Variants in SAMD12 observed in about 807,000 individuals in gnomAD.
SAMD12 encodes the protein sterile alpha motif domain containing 12.
SAMD12 carries 9 observed loss-of-function variants against 15.0 expected under a neutral mutation model. The observed-to-expected ratio is 0.60, with a 90% CI of 0.36 to 1.05. The LOEUF is 1.05. SAMD12 is among the 50% of genes least tolerant of loss of function. SAMD12 has a pLI of 0.01. For synonymous variants in SAMD12, 86 were observed against 90.1 expected, an observed-to-expected ratio of 0.96 and a Z score of 0.25; for missense variants, 230 against 234.2, an observed-to-expected ratio of 0.98 and a Z score of 0.12.
In SAMD12 at chr8:118,379,698, G is replaced by A. The variant is rs541912477; in HGVS notation, c.325C>T (p.Arg109Ter). ...ESFKQHDITG[R>*]ALLRLTDKKL... ...TTGTCAGTAAGTCTCAGCAGGGCTC[G>A]CCCTGCAGGGTTTTAAGAAATAAAA... Residue 109 changes from arginine to a stop codon, truncating the protein, a stop_gained and splice_region_variant, in exon 4 of 4, where the codon CGA becomes TGA. Coordinates refer to ENST00000314727, the MANE Select transcript of SAMD12 (RefSeq NM_207506.3). LOFTEE classifies it low-confidence loss of function (END_TRUNC). 10 of 1,612,332 alleles carry A rather than the reference G, an allele frequency of 6.2e-6. No individual in the cohort carries two copies. Among genetic ancestry groups the A allele is most frequent in the African/African-American group, 1.3e-5 (1 of 74,776 alleles).
chr8:118,298,106 C>T (rs1814818591), intron 4 of SAMD12, among the ~76,000 whole-genome samples: 1 of 152,076 alleles, frequency 6.6e-6, no homozygotes, highest in African/African-American at 2.4e-5. Context: ...GTCAAACATA[C>T]ATATGTAGTT....
intron 2 of SAMD12, among the ~76,000 whole-genome samples, chr8:118,473,106 ATGTCGCTCCCTGCCT>A (rs1823852418): frequency 6.6e-6 from 1 of 152,132 alleles, no homozygotes; most frequent in Non-Finnish European, 1.5e-5. Flanking sequence ...AGGCCAAGGT[ATGTCGCTCCCTGCCT>A]GCTTCAAAGC....
chr8:118,396,393 A>C (rs1249585016), intron 3 of SAMD12, among the ~76,000 whole-genome samples: 2 of 152,196 alleles, frequency 1.3e-5, no homozygotes, highest in African/African-American at 4.8e-5. Context: ...GTAGGCTTCC[A>C]TTGTTACACC....
intron 2 of SAMD12, among the ~76,000 whole-genome samples, chr8:118,572,691 T>C (rs1827048444): frequency 1.3e-5 from 2 of 152,198 alleles, no homozygotes; most frequent in Non-Finnish European, 1.5e-5. Context: ...CCACCATGAT[T>C]GGACTTACAC....
At chr8:118,451,505 G>C (rs1262277511) in intron 2 of SAMD12, among the ~76,000 whole-genome samples, 1 of 152,184 alleles carries the variant, frequency 6.6e-6, no homozygotes, top group East Asian at 1.9e-4. Flanking sequence ...CTATTAAAGT[G>C]AGAAAATACC....
intron 2 of SAMD12, among the ~76,000 whole-genome samples, chr8:118,491,804 A>T (rs1310856317): frequency 6.6e-6 from 1 of 152,216 alleles, no homozygotes; most frequent in Non-Finnish European, 1.5e-5. Flanking sequence ...GCTGTAGAGA[A>T]GCCCGTTGTA....
intron 4 of SAMD12, among the ~76,000 whole-genome samples, chr8:118,225,326 G>C (rs1270370649): frequency 6.6e-6 from 1 of 152,062 alleles, no homozygotes; most frequent in Non-Finnish European, 1.5e-5. Context: ...CAAACCCAAC[G>C]AGAGCCTTCT....
chr8:118,610,831 T>C (rs1234221623), intron 1 of SAMD12, among the ~76,000 whole-genome samples: 1 of 152,234 alleles, frequency 6.6e-6, no homozygotes, highest in Non-Finnish European at 1.5e-5. Flanking sequence ...ATACAAATTA[T>C]GCCTGCAGTT....
At chr8:118,494,946 A>G (rs571711822) in intron 2 of SAMD12, among the ~76,000 whole-genome samples, 96 of 152,334 alleles carry the variant, frequency 6.3e-4, no homozygotes, top group African/African-American at 2.1e-3. Context: ...CACCTGTGTC[A>G]TCATAAGCAA....
intron 4 of SAMD12, among the ~76,000 whole-genome samples, chr8:118,303,857 C>T (rs575162888): frequency 6.6e-6 from 1 of 152,254 alleles, no homozygotes; most frequent in South Asian, 2.1e-4. Context: ...GTTTAAAATC[C>T]TCTTCTTTTC....
chr8:118,503,213 G>A (rs139804911), intron 2 of SAMD12, among the ~76,000 whole-genome samples: 32 of 152,280 alleles, frequency 2.1e-4, no homozygotes, highest in African/African-American at 6.7e-4. Flanking sequence ...CATTAATGCC[G>A]TCTGTAGGGC....
intron 3 of SAMD12, among the ~76,000 whole-genome samples, chr8:118,405,003 T>C (rs1408958075): frequency 6.6e-6 from 1 of 152,148 alleles, no homozygotes; most frequent in African/African-American, 2.4e-5. Flanking sequence ...ACCTGTACTT[T>C]CTTTCATTCA....
At chr8:118,272,573 G>T (rs55969036) in intron 4 of SAMD12, among the ~76,000 whole-genome samples, 1 of 152,082 alleles carries the variant, frequency 6.6e-6, no homozygotes, top group Admixed American at 6.6e-5. Context: ...CTGTTGCATC[G>T]TCATGCTGCA....
At chr8:118,137,664 CT>C in the SAMD12 span, among the ~76,000 whole-genome samples, 1 of 152,126 alleles carries the variant, frequency 6.6e-6, no homozygotes, top group South Asian at 2.1e-4. Context: ...TGTGCTGTGT[CT>C]TTATGCTCTT....
chr8:118,543,906 G>A lies in SAMD12; in HGVS notation c.192+36809C>T, dbSNP rs549515648. ...TCCTTTATCTCCAGGGTCTCTCCAT[G>A]CCAAATAACCGGGGCTAAATGAATC... is the stretch of plus-strand genomic sequence containing the variant. On this transcript the variant is annotated intron_variant, in intron 2 of 3. Coordinates refer to ENST00000314727, the MANE Select transcript of SAMD12 (RefSeq NM_207506.3). 6.0e-4 allele frequency among the ~76,000 whole-genome samples: 91 copies of A among 152,128 alleles called. 1 individual carries two copies. Among genetic ancestry groups the A allele is most frequent in the Non-Finnish European group, 8.5e-4 (58 of 68,006 alleles).
chr8:118,322,490 A>G (rs1816335028), intron 4 of SAMD12, among the ~76,000 whole-genome samples: 2 of 152,256 alleles, frequency 1.3e-5, no homozygotes, highest in Non-Finnish European at 2.9e-5. Flanking sequence ...GTCTGTTCTC[A>G]GTCATGTTCT....
intron 4 of SAMD12, among the ~76,000 whole-genome samples, chr8:118,354,201 A>G (rs1485011031): frequency 6.6e-6 from 1 of 152,234 alleles, no homozygotes; most frequent in African/African-American, 2.4e-5. Context: ...TCTGTGGAAA[A>G]CAATTATTTA....
chr8:118,182,898 G>T, the SAMD12 span, among the ~76,000 whole-genome samples: 1 of 152,166 alleles, frequency 6.6e-6, no homozygotes, highest in Non-Finnish European at 1.5e-5. Flanking sequence ...AAATATTTTT[G>T]TTAACAGAAA....
At chr8:118,320,561 G>GT (rs879535197) in intron 4 of SAMD12, among the ~76,000 whole-genome samples, 7 of 147,186 alleles carry the variant, frequency 4.8e-5, no homozygotes, top group African/African-American at 1.8e-4. Context: ...GACCAAAATA[G>GT]TTTTTTAAAA....
Sources: allele counts gnomAD v4.1 joint callset (sites outside exome capture counted in the v4.1 genomes callset), GRCh38; gene constraint gnomAD v4.1.1; transcripts MANE v1.5; gene names NCBI Gene and HGNC (gene_info 2026-07-23, HGNC 2026-07-21).